Variants in MAF observed in about 807,000 individuals in gnomAD.
MAF encodes the protein MAF bZIP transcription factor.
MAF carries 10 observed loss-of-function variants against 22.0 expected under a neutral mutation model. That is an observed-to-expected ratio of 0.45 (90% CI 0.28 to 0.77). The LOEUF (loss-of-function observed/expected upper bound fraction) is 0.77. Ranked by LOEUF, MAF falls within the 30% of genes least tolerant of loss-of-function variation. MAF has a pLI of 0.12. For missense variants in MAF, 544 were observed against 548.4 expected (o/e 0.99, Z 0.08); for synonymous variants, 337 against 255.8 (o/e 1.32, Z -3.03).
the MAF span, among the ~76,000 whole-genome samples, chr16:79,452,713 G>C: frequency 6.6e-6 from 1 of 152,112 alleles, no homozygotes; most frequent in Non-Finnish European, 1.5e-5. Flanking sequence ...ATGCAACTGA[G>C]TCCTCGTTAA....
the MAF span, among the ~76,000 whole-genome samples, chr16:79,361,759 C>T: frequency 6.6e-6 from 1 of 152,022 alleles, no homozygotes; most frequent in Non-Finnish European, 1.5e-5. Flanking sequence ...GCTGAATCCC[C>T]CACAAGCTGA....
At chr16:79,395,599 T>C in the MAF span, among the ~76,000 whole-genome samples, 1 of 151,924 alleles carries the variant, frequency 6.6e-6, no homozygotes. Flanking sequence ...CATCTGCAAG[T>C]CAAGGAATGC....
At chr16:79,249,965 C>G in the MAF span, among the ~76,000 whole-genome samples, 2 of 152,166 alleles carry the variant, frequency 1.3e-5, no homozygotes, top group African/African-American at 4.8e-5. Context: ...AAATACAGGT[C>G]CCAGAGGGGT....
chr16:79,468,419 G>A, the MAF span, among the ~76,000 whole-genome samples: 2 of 152,348 alleles, frequency 1.3e-5, no homozygotes, highest in South Asian at 2.1e-4. Flanking sequence ...TGTCCTCATG[G>A]CAAATGTGTC....
the MAF span, among the ~76,000 whole-genome samples, chr16:79,234,011 T>C: frequency 2.1e-5 from 3 of 145,672 alleles, no homozygotes; most frequent in East Asian, 2.0e-4. Context: ...AAAAAGAGAG[T>C]AAGTGTATAG....
chr16:79,274,077 C>T, the MAF span, among the ~76,000 whole-genome samples: 2 of 151,372 alleles, frequency 1.3e-5, no homozygotes, highest in African/African-American at 4.9e-5. Context: ...GCCTCAGCCT[C>T]CCGAGTAGCT....
At chr16:79,275,305 C>T in the MAF span, among the ~76,000 whole-genome samples, 6 of 152,128 alleles carry the variant, frequency 3.9e-5, no homozygotes, top group African/African-American at 1.4e-4. Flanking sequence ...GAGATTTTGC[C>T]ATTGCACTCC....
the MAF span, among the ~76,000 whole-genome samples, chr16:79,330,526 G>A: frequency 2.0e-5 from 3 of 152,134 alleles, no homozygotes; most frequent in African/African-American, 7.2e-5. Context: ...AAATCCAAAG[G>A]GCTTAGAGGA....
the MAF span, chr16:79,212,292 TAGCAACTGCTGGGGAGACA>T: frequency 1.2e-5 from 13 of 1,048,892 alleles, no homozygotes; most frequent in South Asian, 2.3e-4. Context: ...TGAGCCAGCT[TAGCAACTGCTGGGGAGACA>T]AATCTCAGAA....
the MAF span, among the ~76,000 whole-genome samples, chr16:79,420,617 G>C: frequency 1.3e-5 from 2 of 152,110 alleles, no homozygotes; most frequent in Non-Finnish European, 2.9e-5. Context: ...ACCGCCCAGA[G>C]TTTCATCAGG....
chr16:79,434,192 G>A, the MAF span, among the ~76,000 whole-genome samples: 14 of 152,224 alleles, frequency 9.2e-5, no homozygotes, highest in African/African-American at 3.1e-4. Flanking sequence ...GCTAGGAAAT[G>A]CCAGGGCCAG....
chr16:79,406,704 G>A, the MAF span, among the ~76,000 whole-genome samples: 9 of 152,298 alleles, frequency 5.9e-5, no homozygotes, highest in African/African-American at 2.2e-4. Context: ...TATAAGAAGA[G>A]TCAGATCTGA....
At chr16:79,421,796 G>C in the MAF span, among the ~76,000 whole-genome samples, 2 of 151,594 alleles carry the variant, frequency 1.3e-5, no homozygotes, top group African/African-American at 4.8e-5. Context: ...TTTTTCTTTT[G>C]AGACAGAGTC....
the MAF span, among the ~76,000 whole-genome samples, chr16:79,410,847 G>C: frequency 1.3e-5 from 2 of 152,312 alleles, no homozygotes; most frequent in East Asian, 3.9e-4. Flanking sequence ...TGTGAATCAG[G>C]CCTGATTGGA....
chr16:79,474,331 C>T, the MAF span, among the ~76,000 whole-genome samples: 55,707 of 152,042 alleles, frequency 0.37, 11,816 homozygotes, highest in Middle Eastern at 0.49. Flanking sequence ...ATGCCTATCT[C>T]CCCTGCAAAG....
At chr16:79,261,673 G>C in the MAF span, among the ~76,000 whole-genome samples, 5 of 152,312 alleles carry the variant, frequency 3.3e-5, no homozygotes, top group African/African-American at 1.2e-4. Context: ...TGTCAGGCTG[G>C]CTGCAGTGGA....
chr16:79,598,445 C>CGCG, intron 1 of MAF: 1 of 337,958 alleles, frequency 3.0e-6, no homozygotes, highest in Non-Finnish European at 4.5e-6. Context: ...GGGGGTGGGG[C>CGCG]GGGGGGGTGT....
chr16:79,214,658 G>C, the MAF span, among the ~76,000 whole-genome samples: 1 of 139,522 alleles, frequency 7.2e-6, no homozygotes, highest in Non-Finnish European at 1.5e-5. Context: ...GCCCTCCTCA[G>C]CCTCCCAAAG....
the MAF span, among the ~76,000 whole-genome samples, chr16:79,537,198 G>C: frequency 6.6e-6 from 1 of 152,150 alleles, no homozygotes; most frequent in Non-Finnish European, 1.5e-5. Flanking sequence ...TATCTGCTTT[G>C]AGATAGCACA....
Sources: gnomAD v4.1 joint callset for allele counts (sites outside exome capture counted in the v4.1 genomes callset) on GRCh38, gnomAD v4.1.1 for gene constraint, MANE v1.5 for transcripts, NCBI Gene and HGNC (gene_info 2026-07-23, HGNC 2026-07-21) for gene names.